The following EXOC6B variants were observed in gnomAD, a reference collection of about 807,000 sequenced individuals.
EXOC6B encodes the protein SEC15 homolog B.
A neutral mutation model predicts 113.5 loss-of-function variants in EXOC6B; 54 were observed. The observed-to-expected ratio is 0.48, with a 90% CI of 0.38 to 0.60. The LOEUF is 0.60. Ranked by LOEUF, EXOC6B falls within the 20% of genes least tolerant of loss-of-function variation. The pLI is 0.00. For synonymous variants in EXOC6B, 357 were observed against 339.0 expected, an observed-to-expected ratio of 1.05 and a Z score of -0.58; for missense variants, 797 against 977.5, an observed-to-expected ratio of 0.82 and a Z score of 2.46.
In EXOC6B at chr2:72,465,186, T is replaced by C. The variant is rs1358617521; in HGVS notation, c.1954A>G (p.Thr652Ala). 1 of 1,611,834 alleles carries C rather than the reference T, an allele frequency of 6.2e-7. No individual in the cohort carries two copies. Among genetic ancestry groups the C allele is most frequent in the African/African-American group, 1.3e-5 (1 of 75,002 alleles). The change falls in exon 18 of 22, where the codon ACC becomes GCC. Residue 652 changes from threonine to alanine, a missense_variant. Thr to Ala is a moderately conservative substitution (Grantham distance 58, BLOSUM62 0). Coordinates refer to ENST00000272427, the MANE Select transcript of EXOC6B (RefSeq NM_015189.3). ...GGAAGGTGTGTGAATACAGCAAAGG[T>C]GCTACGAAGAAAGGCAATGAGGTCT... ...LVDLIAFLRS[T>A]FAVFTHLPGK...
chr2:72,480,617 T>C lies in EXOC6B; in HGVS notation c.1799A>G (p.Lys600Arg). The change falls in exon 17 of 22, where the codon AAG becomes AGG. Residue 600 changes from lysine to arginine, a missense_variant and splice_region_variant. Lys to Arg is a conservative substitution (Grantham distance 26). Transcript: ENST00000272427. ...TTKLYGTTTF[K>R]DARHAAEEEI... ...CACAGTACTGTAGGGCCCTCTCACC[T>C]TAAAAGTTGTGGTGCCATAGAGCTT... 6.3e-7 allele frequency: 1 copy of C among 1,579,326 alleles called. No individual in the cohort carries two copies. Among genetic ancestry groups the C allele is most frequent in the Admixed American group, 1.8e-5 (1 of 55,196 alleles).
At chr2:72,498,002 G>T (rs1218357171) in intron 13 of EXOC6B, among the ~76,000 whole-genome samples, 1 of 152,198 alleles carries the variant, frequency 6.6e-6, no homozygotes, top group South Asian at 2.1e-4. Flanking sequence ...GAGGGAAGAT[G>T]ATGAGGAACA....
chr2:72,287,744 T>C (rs1241976626), intron 20 of EXOC6B, among the ~76,000 whole-genome samples: 2 of 152,100 alleles, frequency 1.3e-5, no homozygotes, highest in African/African-American at 2.4e-5. Context: ...AAAACTGATA[T>C]AAGAATAAAC....
At chr2:72,810,723 T>C (rs1198481088) in intron 1 of EXOC6B, among the ~76,000 whole-genome samples, 1 of 151,808 alleles carries the variant, frequency 6.6e-6, no homozygotes, top group Non-Finnish European at 1.5e-5. Context: ...TATGACACAA[T>C]ACCAATATAA....
At chr2:72,655,706 A>G (rs1674526884) in intron 6 of EXOC6B, among the ~76,000 whole-genome samples, 1 of 152,062 alleles carries the variant, frequency 6.6e-6, no homozygotes, top group Non-Finnish European at 1.5e-5. Flanking sequence ...TATTTAATTT[A>G]AAAAATTCAA....
At chr2:72,699,704 T>TA (rs959585804) in intron 6 of EXOC6B, among the ~76,000 whole-genome samples, 2 of 151,816 alleles carry the variant, frequency 1.3e-5, no homozygotes, top group Admixed American at 6.6e-5. Flanking sequence ...TTAGCCTGAT[T>TA]AAAAAAAACA....
intron 20 of EXOC6B, among the ~76,000 whole-genome samples, chr2:72,263,851 T>A (rs1683883884): frequency 6.6e-6 from 1 of 152,202 alleles, no homozygotes; most frequent in African/African-American, 2.4e-5. Flanking sequence ...CAGCCACTCC[T>A]GCAAAGGGAA....
chr2:72,559,508 T>C lies in EXOC6B; in HGVS notation c.860A>G (p.Gln287Arg), dbSNP rs772294394. 8.1e-6 allele frequency: 13 copies of C among 1,612,788 alleles called. No individual in the cohort carries two copies. The highest frequency in any genetic ancestry group is 1.0e-5 in the Non-Finnish European group (12 of 1,179,476). The change falls in exon 8 of 22, where the codon CAA becomes CGA. Residue 287 changes from glutamine (Q) to arginine (R), a missense_variant. Gln to Arg is a conservative substitution (Grantham distance 43, BLOSUM62 1). Coordinates refer to ENST00000272427, the MANE Select transcript of EXOC6B (RefSeq NM_015189.3). ...EEDDEEVPGA[Q>R]DLVDFSPVYR... is the part of the protein sequence containing the mutation. ...AACTGGAGAGAAATCCACCAAATCT[T>C]GGGCCCCAGGTACCTGCAAACACAA...
At chr2:72,268,374 A>T (rs1038398545) in intron 20 of EXOC6B, among the ~76,000 whole-genome samples, 2 of 152,142 alleles carry the variant, frequency 1.3e-5, no homozygotes, top group Non-Finnish European at 2.9e-5. Flanking sequence ...TGCCTCCCAA[A>T]GTGTTTGGGT....
intron 20 of EXOC6B, among the ~76,000 whole-genome samples, chr2:72,278,317 C>T (rs950132316): frequency 2.0e-5 from 3 of 152,164 alleles, no homozygotes; most frequent in Non-Finnish European, 4.4e-5. Context: ...CTCCATGCAT[C>T]TCAACTTTCC....
In EXOC6B at chr2:72,307,161, G is replaced by GTTTTTTTTTTTTTTTTTTTTTTTTTTT. The variant is rs1553371308; in HGVS notation, c.2196+27785_2196+27786insAAAAAAAAAAAAAAAAAAAAAAAAAAA. Among the ~76,000 whole-genome samples the GTTTTTTTTTTTTTTTTTTTTTTTTTTT allele has an allele frequency of 1.9e-4, 25 of 128,480 alleles. 1 individual carries two copies. Among genetic ancestry groups the GTTTTTTTTTTTTTTTTTTTTTTTTTTT allele is most frequent in the Middle Eastern group, 3.9e-3 (1 of 258 alleles). The allele number at this position is 128,480 out of a possible 152,430, so 84.3% of individuals were successfully genotyped here. ...TCCATGACTGCAATGGTATAGTCCA[G>GTTTTTTTTTTTTTTTTTTTTTTTTTTT]TTTTTTTTTTTTTGAGACGGAGTCT... On this transcript the variant is annotated intron_variant, in intron 20 of 21. Transcript: ENST00000272427.
intron 20 of EXOC6B, among the ~76,000 whole-genome samples, chr2:72,203,052 C>T (rs1679586464): frequency 6.6e-6 from 1 of 152,164 alleles, no homozygotes; most frequent in Non-Finnish European, 1.5e-5. Flanking sequence ...TAATATTTGC[C>T]TTGGTAGAGT....
chr2:72,664,222 TGA>T (rs1268591810), intron 6 of EXOC6B, among the ~76,000 whole-genome samples: 3 of 151,950 alleles, frequency 2.0e-5, no homozygotes, highest in Non-Finnish European at 4.4e-5. Flanking sequence ...CTGCTCCCAC[TGA>T]GAGACACCAA....
intron 6 of EXOC6B, among the ~76,000 whole-genome samples, chr2:72,619,936 C>G (rs1671644211): frequency 6.6e-6 from 1 of 152,214 alleles, no homozygotes; most frequent in Non-Finnish European, 1.5e-5. Flanking sequence ...ATACCCATCC[C>G]CTAGGACTTC....
intron 8 of EXOC6B, among the ~76,000 whole-genome samples, chr2:72,537,712 T>C (rs1573348912): frequency 6.6e-6 from 1 of 152,164 alleles, no homozygotes; most frequent in South Asian, 2.1e-4. Flanking sequence ...GATGGAGATA[T>C]AAGCACGAAG....
chr2:72,552,909 C>A (rs991312349), intron 8 of EXOC6B, among the ~76,000 whole-genome samples: 5 of 151,574 alleles, frequency 3.3e-5, no homozygotes, highest in Non-Finnish European at 7.4e-5. Context: ...AATGATTAAT[C>A]AATGAAAAAA....
intron 20 of EXOC6B, among the ~76,000 whole-genome samples, chr2:72,225,043 G>T (rs1468479003): frequency 1.5e-5 from 2 of 135,710 alleles, no homozygotes; most frequent in Admixed American, 7.8e-5. Context: ...GTAGAGATGG[G>T]GTTTCGCCAT....
intron 20 of EXOC6B, among the ~76,000 whole-genome samples, chr2:72,300,982 T>G (rs1686484551): frequency 6.6e-6 from 1 of 152,188 alleles, no homozygotes; most frequent in Non-Finnish European, 1.5e-5. Context: ...TCGGCCATCT[T>G]GCCACCTCAG....
At chr2:72,593,056 C>CA (rs138141494) in intron 6 of EXOC6B, among the ~76,000 whole-genome samples, 3 of 151,806 alleles carry the variant, frequency 2.0e-5, no homozygotes, top group Non-Finnish European at 4.4e-5. Context: ...ATGGAACCTC[C>CA]AAAAAAACCG....
Sources: gnomAD v4.1 joint callset for allele counts (sites outside exome capture counted in the v4.1 genomes callset) on GRCh38, gnomAD v4.1.1 for gene constraint, MANE v1.5 for transcripts, NCBI Gene and HGNC (gene_info 2026-07-23, HGNC 2026-07-21) for gene names.